Variants in AKAP3 observed in about 807,000 individuals in gnomAD.
AKAP3 encodes A-kinase anchor protein 3.
AKAP3 carries 27 observed loss-of-function variants against 57.2 expected under a neutral mutation model. The ratio of observed to expected loss-of-function variants is 0.47; its 90% CI spans 0.35 to 0.65. The LOEUF (loss-of-function observed/expected upper bound fraction) is 0.65, where lower values mean the gene tolerates loss of function less well. AKAP3 is among the 30% of genes least tolerant of loss of function. The pLI is 0.01. For synonymous variants in AKAP3, 334 were observed against 392.3 expected, an observed-to-expected ratio of 0.85 and a Z score of 1.76; for missense variants, 959 against 1,040.0, an observed-to-expected ratio of 0.92 and a Z score of 1.07.
intron 4 of AKAP3, among the ~76,000 whole-genome samples, chr12:4,637,561 A>G (rs1945582556): frequency 6.6e-6 from 1 of 152,124 alleles, no homozygotes; most frequent in African/African-American, 2.4e-5. Flanking sequence ...TAATTTTTAA[A>G]TGTTAAGTTA....
At chr12:4,628,910 T>C in intron 4 of AKAP3, 105 bp from the exon 5 acceptor site, 1 of 1,225,928 alleles carries the variant, frequency 8.2e-7, no homozygotes. Context: ...CTCTCAAGCT[T>C]GCTCCATCTT....
chr12:4,622,051 T>C (rs1157061077), intron 5 of AKAP3, among the ~76,000 whole-genome samples: 3 of 152,032 alleles, frequency 2.0e-5, no homozygotes, highest in Non-Finnish European at 4.4e-5. Context: ...ATAAAAAGAA[T>C]ACCTAGGAAT....
In AKAP3 at chr12:4,626,804, A is replaced by T. The variant is rs2041290; in HGVS notation, c.2098T>A (p.Ser700Thr). 3 of 1,222,078 alleles carry T rather than the reference A, an allele frequency of 2.5e-6. No homozygotes were observed. Among genetic ancestry groups the T allele is most frequent in the Non-Finnish European group, 3.3e-6 (3 of 906,768 alleles). The allele number at this position is 1,222,078 out of a possible 1,614,324, so 75.7% of individuals were successfully genotyped here. The change falls in exon 5 of 6, where the codon TCT becomes ACT. Residue 700 changes from serine to threonine, a missense_variant. By Grantham distance (58) the Ser-to-Thr change is moderately conservative (BLOSUM62 1). Coordinates refer to ENST00000228850, the MANE Select transcript of AKAP3 (RefSeq NM_001278309.2). ...ASLAELGDDK[S>T]GDASRLTSAF... ...GAAGTTAGCCTACTGGCATCTCCAG[A>T]CTTGTCATCTCCCAGCTCTGCCAAC...
intron 4 of AKAP3, among the ~76,000 whole-genome samples, chr12:4,630,595 GAAT>G: frequency 6.6e-6 from 1 of 152,184 alleles, no homozygotes; most frequent in South Asian, 2.1e-4. Context: ...CTCCTAATTA[GAAT>G]AATAGCTACT....
Position 4,628,067 on chromosome 12 carries a change from C to A in AKAP3, c.835G>T (p.Ala279Ser). Residue 279 changes from alanine to serine, a missense_variant, in exon 5 of 6, where the codon GCT (alanine) becomes TCT (serine). By Grantham distance (99) the Ala-to-Ser change is moderately conservative (BLOSUM62 1). Coordinates refer to ENST00000228850, the MANE Select transcript of AKAP3 (RefSeq NM_001278309.2). ...RGQERPDDFT[A>S]SVSEGIMTYA... is the part of the protein sequence containing the mutation. ...GTCATGATCCCTTCACTAACAGAAG[C>A]CGTAAAGTCATCAGGCCTTTCCTGC... The A allele has an allele frequency of 6.2e-7, 1 of 1,614,136 alleles. No individual in the cohort carries two copies. The highest frequency in any genetic ancestry group is 8.5e-7 in the Non-Finnish European group (1 of 1,180,020).
chr12:4,624,809 G>GGTGTGTGTGTGTGTGTGTGTGTGTGTGT (rs1555126704), intron 5 of AKAP3, among the ~76,000 whole-genome samples: 4,048 of 87,750 alleles, frequency 0.046, 115 homozygotes, highest in African/African-American at 0.053. Flanking sequence ...AGTAGACAAA[G>GGTGTGTGTGTGTGTGTGTGTGTGTGTGT]GTGTGTGTGT....
rs1945406130 is a variant in AKAP3 at position 4,625,864 on chromosome 12, T to TACTGGGCACCTTGGGTGGAGGACAAGA, written c.2406+605_2406+631dup. ...CCCTTTGGCGCGCAGTTCTGATGCT[T>TACTGGGCACCTTGGGTGGAGGACAAGA]ACTGGGCACCTTGGGTGGAGGACAA... On this transcript the variant is annotated intron_variant, in intron 5 of 5. Transcript: ENST00000228850. The surrounding 1 kb of genome is among the most constrained non-coding windows in gnomAD (Gnocchi z 5.4). 6.6e-6 allele frequency among the ~76,000 whole-genome samples: 1 copy of TACTGGGCACCTTGGGTGGAGGACAAGA among 152,150 alleles called. No individual in the cohort carries two copies. The highest frequency in any genetic ancestry group is 1.5e-5 in the Non-Finnish European group (1 of 68,024).
At chr12:4,616,994 TAAACCC>T (rs1323827121) in intron 5 of AKAP3, among the ~76,000 whole-genome samples, 3 of 151,792 alleles carry the variant, frequency 2.0e-5, no homozygotes, top group South Asian at 2.1e-4. Flanking sequence ...TAAAATAAAA[TAAACCC>T]AAACCCAAAC....
Position 4,627,135 on chromosome 12 carries a change from G to C in AKAP3, c.1767C>G (p.Asp589Glu). Reference protein sequence around the residue: ...VGDQEQAEKKDLRSVFFNFIR... With the variant: ...VGDQEQAEKKELRSVFFNFIR... ...TGAAATTAAAGAAAACACTCCTTAG[G>C]TCCTTCTTTTCTGCTTGTTCTTGGT... is the stretch of plus-strand genomic sequence containing the variant. Residue 589 changes from aspartate to glutamate, a missense_variant, in exon 5 of 6, where the codon GAC (aspartate) becomes GAG (glutamate). Transcript: ENST00000228850. 1 of 1,614,098 alleles carries C rather than the reference G, an allele frequency of 6.2e-7. No homozygotes were observed. The highest frequency in any genetic ancestry group is 1.7e-5 in the Admixed American group (1 of 60,000).
intron 4 of AKAP3, among the ~76,000 whole-genome samples, chr12:4,629,892 C>T (rs1047509220): frequency 6.6e-6 from 1 of 152,036 alleles, no homozygotes; most frequent in African/African-American, 2.4e-5. Context: ...ATTTAACAAT[C>T]CGATTTATAA....
At chr12:4,619,284 C>T (rs892444605) in intron 5 of AKAP3, among the ~76,000 whole-genome samples, 1 of 152,150 alleles carries the variant, frequency 6.6e-6, no homozygotes, top group African/African-American at 2.4e-5. Context: ...ACCGGTCAGG[C>T]ATGGTGGCTC....
intron 5 of AKAP3, among the ~76,000 whole-genome samples, chr12:4,624,824 G>GTGTGTGTGTGTGTGTATATA (rs143324716): frequency 3.0e-4 from 42 of 141,098 alleles, no homozygotes; most frequent in African/African-American, 8.3e-4. Flanking sequence ...GTGTGTGTGT[G>GTGTGTGTGTGTGTGTATATA]TATATAAAAG....
intron 5 of AKAP3, among the ~76,000 whole-genome samples, chr12:4,620,350 A>T (rs1945331254): frequency 6.6e-6 from 1 of 151,428 alleles, no homozygotes; most frequent in African/African-American, 2.4e-5. Context: ...ATTACAGTGC[A>T]CCTGTAATCC....
In AKAP3 at chr12:4,626,558, C is replaced by A. The variant is rs1475291752; in HGVS notation, c.2344G>T (p.Ala782Ser). 6.2e-7 allele frequency: 1 copy of A among 1,614,066 alleles called. No individual in the cohort carries two copies. Among genetic ancestry groups the A allele is most frequent in the Non-Finnish European group, 8.5e-7 (1 of 1,180,022 alleles). Residue 782 changes from alanine (A) to serine (S), a missense_variant, in exon 5 of 6, where the codon GCC becomes TCC. Ala to Ser is a moderately conservative substitution (Grantham distance 99, BLOSUM62 1). Transcript: ENST00000228850. Reference sequence around the variant, plus strand: ...AAAATAGGGACATTGAGCTCAGAGGCAGCTACCCATTGAAGGACGGCTTGG... The same window carrying A: ...AAAATAGGGACATTGAGCTCAGAGGAAGCTACCCATTGAAGGACGGCTTGG... Reference protein sequence around the residue: ...QLQAVLQWVAASELNVPILYF... With the variant: ...QLQAVLQWVASSELNVPILYF...
intron 3 of AKAP3, among the ~76,000 whole-genome samples, 177 bp downstream of exon 3, chr12:4,641,722 A>G (rs1945640099): frequency 6.6e-6 from 1 of 152,220 alleles, no homozygotes; most frequent in African/African-American, 2.4e-5. Context: ...TATTGATAGT[A>G]CAAGTGAGAG....
chr12:4,622,691 G>A (rs1442237672), intron 5 of AKAP3, among the ~76,000 whole-genome samples: 2 of 152,074 alleles, frequency 1.3e-5, no homozygotes, highest in Admixed American at 1.3e-4. Context: ...AGAACACCTA[G>A]ACAATACCAT....
intron 4 of AKAP3, chr12:4,631,524 C>G: frequency 1.7e-6 from 1 of 573,152 alleles, no homozygotes; most frequent in East Asian, 3.0e-5. Flanking sequence ...GCAATGTCTT[C>G]CCCCAGAGAG....
chr12:4,631,620 C>CACTT (rs1424144320), intron 4 of AKAP3, among the ~76,000 whole-genome samples: 1 of 136,574 alleles, frequency 7.3e-6, no homozygotes, highest in African/African-American at 3.0e-5. Flanking sequence ...CACAAACACA[C>CACTT]ACGTAAATTA....
chr12:4,639,355 C>T (rs530503526), intron 3 of AKAP3, among the ~76,000 whole-genome samples: 2 of 152,212 alleles, frequency 1.3e-5, no homozygotes, highest in African/African-American at 4.8e-5. Context: ...CTCTTCATCC[C>T]TTAGGCTCGG....
Sources: gnomAD v4.1 joint callset for allele counts (sites outside exome capture counted in the v4.1 genomes callset) on GRCh38, gnomAD v4.1.1 for gene constraint, Gnocchi (gnomAD v3.1) non-coding constraint, MANE v1.5 for transcripts, NCBI Gene and HGNC (gene_info 2026-07-23, HGNC 2026-07-21) for gene names.